Variants in EPB41L3 observed in about 807,000 individuals in gnomAD.
EPB41L3 encodes erythrocyte membrane protein band 4.1 like 3, also known as band 4.1-like protein 3.
Under a neutral mutation model 127.1 loss-of-function variants are expected in EPB41L3, and 57 were observed. The ratio of observed to expected loss-of-function variants is 0.45; its 90% confidence interval spans 0.36 to 0.56. The LOEUF is 0.56. Ranked by LOEUF, EPB41L3 falls within the 20% of genes least tolerant of loss-of-function variation. The pLI, the probability that EPB41L3 is intolerant of heterozygous loss-of-function variation, is 0.00. For missense variants in EPB41L3, 1,273 were observed against 1,372.2 expected, an observed-to-expected ratio of 0.93 and a Z score of 1.14; for synonymous variants, 572 against 549.5, an observed-to-expected ratio of 1.04 and a Z score of -0.57.
chr18:5,609,276 G>A (rs2094698806), intron 3 of EPB41L3, among the ~76,000 whole-genome samples: 1 of 152,154 alleles, frequency 6.6e-6, no homozygotes, highest in Non-Finnish European at 1.5e-5. Flanking sequence ...AAGTATAGAA[G>A]ATAATCCTAG....
chr18:5,429,915 G>C (rs1025062514), intron 8 of EPB41L3, among the ~76,000 whole-genome samples: 1 of 152,128 alleles, frequency 6.6e-6, no homozygotes, highest in Non-Finnish European at 1.5e-5. Context: ...ACCACTCAGA[G>C]ATGACCACCT....
chr18:5,616,373 T>C (rs553747707), intron 1 of EPB41L3, among the ~76,000 whole-genome samples: 1 of 152,276 alleles, frequency 6.6e-6, no homozygotes, highest in East Asian at 1.9e-4. Context: ...TGCTTCCTCT[T>C]TGATGATTCC....
intron 3 of EPB41L3, among the ~76,000 whole-genome samples, chr18:5,583,049 C>T (rs1237960212): frequency 6.6e-6 from 1 of 152,016 alleles, no homozygotes; most frequent in African/African-American, 2.4e-5. Flanking sequence ...GGTGGGAGAA[C>T]GTTGGAAAGA....
chr18:5,568,427 TAAAAAAAAAA>T (rs555002375), intron 3 of EPB41L3, among the ~76,000 whole-genome samples: 2 of 109,304 alleles, frequency 1.8e-5, no homozygotes, highest in South Asian at 6.8e-4. Context: ...CTCTGGATAG[TAAAAAAAAAA>T]AAAAAAAAAA....
At chr18:5,502,033 TCCTGCC>T (rs2091792912) in intron 1 of EPB41L3, among the ~76,000 whole-genome samples, 1 of 104,198 alleles carries the variant, frequency 9.6e-6, no homozygotes, top group Non-Finnish European at 2.1e-5. Flanking sequence ...CCATCTTCCC[TCCTGCC>T]TCCTGCCTCC....
chr18:5,568,131 G>A (rs1194608700), intron 3 of EPB41L3, among the ~76,000 whole-genome samples: 1 of 151,848 alleles, frequency 6.6e-6, no homozygotes, highest in African/African-American at 2.4e-5. Flanking sequence ...ATATGATGAT[G>A]GATAGAAAAT....
At chr18:5,414,292 TAA>T (rs2076532882) in intron 13 of EPB41L3, among the ~76,000 whole-genome samples, 1 of 152,188 alleles carries the variant, frequency 6.6e-6, no homozygotes, top group Non-Finnish European at 1.5e-5. Context: ...TTTCCATGTA[TAA>T]AAAGTTATTT....
intron 1 of EPB41L3, among the ~76,000 whole-genome samples, chr18:5,530,689 C>A (rs796913611): frequency 5.9e-5 from 9 of 152,314 alleles, no homozygotes; most frequent in South Asian, 4.1e-4. Context: ...AGCTCTCCCC[C>A]TTCTCCACCG....
intron 1 of EPB41L3, chr18:5,540,485 G>C: frequency 1.0e-6 from 1 of 985,418 alleles, no homozygotes; most frequent in African/African-American, 1.7e-5. Context: ...CACCAGGCAG[G>C]ACAATGACTT....
intron 20 of EPB41L3, 134 bp downstream of exon 20, chr18:5,395,475 C>G (rs1259935460): frequency 1.3e-6 from 1 of 785,352 alleles, no homozygotes; most frequent in African/African-American, 1.7e-5. Context: ...AAAAGCTCCC[C>G]TTGCAGCTAT....
chr18:5,468,516 C>T (rs769620070), intron 3 of EPB41L3, among the ~76,000 whole-genome samples: 27 of 152,198 alleles, frequency 1.8e-4, no homozygotes, highest in Non-Finnish European at 3.7e-4. Flanking sequence ...TTTGGGATGA[C>T]CTGCTAGGGG....
intron 5 of EPB41L3, among the ~76,000 whole-genome samples, chr18:5,442,126 T>C (rs2080875159): frequency 6.6e-6 from 1 of 152,194 alleles, no homozygotes; most frequent in Non-Finnish European, 1.5e-5. Flanking sequence ...TAAGAGAACT[T>C]TATGCACACA....
In EPB41L3 at chr18:5,416,247, T is replaced by C; in HGVS notation, c.1638A>G (p.Arg546=). The C allele has an allele frequency of 6.2e-7, 1 of 1,614,082 alleles. No homozygotes were observed. The highest frequency in any genetic ancestry group is 8.5e-7 in the Non-Finnish European group (1 of 1,180,024). The change falls in exon 13 of 23, where the codon AGA becomes AGG. Residue 546 remains arginine (R), a synonymous_variant. Coordinates refer to ENST00000341928, the MANE Select transcript of EPB41L3 (RefSeq NM_012307.5). ...CGGGCTCTCCAGGCAGGTGCTCAGC[T>C]CTGGACGGCTCATAACCTGGCAGTT... ...DCKLPGYEPS[R]AEHLPGEPAL... is the part of the protein sequence containing the mutation.
At chr18:5,591,393 T>C (rs970949136) in intron 3 of EPB41L3, among the ~76,000 whole-genome samples, 10 of 152,152 alleles carry the variant, frequency 6.6e-5, no homozygotes, top group African/African-American at 2.4e-4. Context: ...TCACAGGTGG[T>C]GCCTTCTCAC....
intron 3 of EPB41L3, among the ~76,000 whole-genome samples, chr18:5,453,163 T>C (rs1349467105): frequency 2.6e-5 from 4 of 152,172 alleles, no homozygotes; most frequent in African/African-American, 7.2e-5. Context: ...TACAATAAAA[T>C]GTGTTTGGGT....
At chr18:5,529,630 G>T (rs1389586300) in intron 1 of EPB41L3, among the ~76,000 whole-genome samples, 1 of 152,196 alleles carries the variant, frequency 6.6e-6, no homozygotes, top group African/African-American at 2.4e-5. Flanking sequence ...AAATGTTCAA[G>T]AACCACAGTG....
At chr18:5,408,450 T>C (rs1238961780) in intron 14 of EPB41L3, among the ~76,000 whole-genome samples, 3 of 151,792 alleles carry the variant, frequency 2.0e-5, no homozygotes, top group Non-Finnish European at 4.4e-5. Flanking sequence ...ATTTTTTGTA[T>C]TTTTAGTAGA....
chr18:5,556,581 A>C (rs2094038979), intron 3 of EPB41L3, among the ~76,000 whole-genome samples: 1 of 152,204 alleles, frequency 6.6e-6, no homozygotes, highest in Admixed American at 6.5e-5. Flanking sequence ...CCAGTGATTA[A>C]TCTCATTAGG....
chr18:5,492,994 C>T lies in EPB41L3; in HGVS notation c.-11-3800G>A, dbSNP rs79319678. Among the ~76,000 whole-genome samples the T allele has an allele frequency of 5.0e-3, 762 of 152,224 alleles. 5 individuals are homozygous for T. The highest frequency in any genetic ancestry group is 0.017 in the African/African-American group (723 of 41,538). On this transcript the variant is annotated intron_variant, in intron 1 of 22. Transcript: ENST00000341928. ...CTTCACAATCCCCAATCTAATTCAC[C>T]TATAAAAAGACGGTCATTGCCATGC...
Sources: allele counts gnomAD v4.1 joint callset (sites outside exome capture counted in the v4.1 genomes callset), GRCh38; gene constraint gnomAD v4.1.1; transcripts MANE v1.5; gene names NCBI Gene and HGNC (gene_info 2026-07-23, HGNC 2026-07-21).